The following YPEL2 variants were observed in gnomAD, a reference collection of about 807,000 sequenced individuals.
The protein encoded by YPEL2 is yippee like 2, also known as protein yippee-like 2.
YPEL2 carries 2 observed loss-of-function variants against 19.1 expected under a neutral mutation model. The ratio of observed to expected loss-of-function variants is 0.10; its 90% confidence interval spans 0.04 to 0.33. YPEL2 has a LOEUF of 0.33. YPEL2 is among the 10% of genes least tolerant of loss of function. The pLI is 1.00. For missense variants in YPEL2, 66 were observed against 140.7 expected (o/e 0.47, Z 2.68); for synonymous variants, 52 against 50.0 (o/e 1.04, Z -0.17).
intron 4 of YPEL2, among the ~76,000 whole-genome samples, chr17:59,391,081 T>C (rs886125061): frequency 3.3e-5 from 5 of 152,202 alleles, no homozygotes. Context: ...TTTCTGTTCT[T>C]GCCCTCCCTG....
rs145613624 is a variant in YPEL2, at chr17:59,338,292, T to A, written c.-196+6468T>A. ...GGGTGCCACTGAGGCTCAAACATGA[T>A]CTTCTGGGTGTGAATGGTGACCAAG... On this transcript the variant is annotated intron_variant, in intron 1 of 4. Transcript: ENST00000312655. 6.6e-5 allele frequency among the ~76,000 whole-genome samples: 10 copies of A among 152,322 alleles called. No homozygotes were observed. In the East Asian group the frequency reaches 1.9e-3, roughly 29 times the overall value.
At chr17:59,359,166 C>G (rs2047828269) in intron 2 of YPEL2, among the ~76,000 whole-genome samples, 1 of 152,152 alleles carries the variant, frequency 6.6e-6, no homozygotes, top group Non-Finnish European at 1.5e-5. Flanking sequence ...TCCAGCGATC[C>G]ACGCGCCTTA....
intron 2 of YPEL2, among the ~76,000 whole-genome samples, chr17:59,382,839 C>T (rs927877942): frequency 6.6e-6 from 1 of 152,136 alleles, no homozygotes; most frequent in Non-Finnish European, 1.5e-5. Flanking sequence ...GATGAGGTCT[C>T]ACTGTGTTGA....
At chr17:59,355,862 C>T (rs532763058) in intron 2 of YPEL2, 30 of 152,334 alleles carry the variant, frequency 2.0e-4, no homozygotes, top group Admixed American at 1.5e-3. Context: ...TTGGCTCAGG[C>T]CGGTACACAG....
chr17:59,337,227 G>T (rs1341787032), intron 1 of YPEL2, among the ~76,000 whole-genome samples: 1 of 149,164 alleles, frequency 6.7e-6, no homozygotes, highest in Non-Finnish European at 1.5e-5. Flanking sequence ...TCGCTCTGTG[G>T]CCCAGGCGGG....
At chr17:59,368,693 G>T (rs1376716063) in intron 2 of YPEL2, among the ~76,000 whole-genome samples, 1 of 152,198 alleles carries the variant, frequency 6.6e-6, no homozygotes, top group Non-Finnish European at 1.5e-5. Context: ...GGTGGATCAT[G>T]CAAGGCCTAG....
intron 2 of YPEL2, among the ~76,000 whole-genome samples, chr17:59,377,352 C>A (rs1005274086): frequency 6.6e-6 from 1 of 152,182 alleles, no homozygotes; most frequent in Non-Finnish European, 1.5e-5. Flanking sequence ...AAGGTTCTGG[C>A]TTATATTTGA....
At chr17:59,370,181 G>A (rs891395239) in intron 2 of YPEL2, among the ~76,000 whole-genome samples, 1 of 152,122 alleles carries the variant, frequency 6.6e-6, no homozygotes, top group African/African-American at 2.4e-5. Context: ...CTCAGCCTCA[G>A]CCTCCTGAAT....
intron 3 of YPEL2, 94 bp downstream of exon 3, chr17:59,388,464 C>G: frequency 7.9e-7 from 1 of 1,261,578 alleles, no homozygotes; most frequent in Non-Finnish European, 1.2e-6. Flanking sequence ...TGAACCCTGC[C>G]CTGTCTGCCA....
In YPEL2 at chr17:59,353,923, C is replaced by T. The variant is rs1213894738; in HGVS notation, c.117+397C>T. 2.7e-5 allele frequency: 8 copies of T among 294,416 alleles called. No individual in the cohort carries two copies. The allele number at this position is 294,416 out of a possible 1,614,324, so 18.2% of individuals were successfully genotyped here. ...ATGTCTTGTAAGAGGGGTTCCTTAG[C>T]AAGATGAGAGAGCCACCAGGAAGTT... On this transcript the variant is annotated intron_variant, in intron 2 of 4. Transcript: ENST00000312655. This position sits in a 1 kb window ranked among gnomAD's most constrained non-coding sequence, Gnocchi z 4.8.
chr17:59,347,845 G>C (rs1449181188), intron 1 of YPEL2, among the ~76,000 whole-genome samples: 1 of 152,158 alleles, frequency 6.6e-6, no homozygotes, highest in Non-Finnish European at 1.5e-5. Context: ...ACATAAATAG[G>C]AAAGAGGAAA....
chr17:59,344,845 T>C (rs2147936319), intron 1 of YPEL2, among the ~76,000 whole-genome samples: 1 of 152,354 alleles, frequency 6.6e-6, no homozygotes, highest in South Asian at 2.1e-4. Context: ...ATAAATGATA[T>C]TCATGAAGCA....
Position 59,353,590 on chromosome 17 carries a change from G to A in YPEL2, c.117+64G>A. ...GAGGGCGCTTAGTGCTCCTGAAGTT[G>A]CAGAGGTTTACAAGCTCTCAAGAAT... On this transcript the variant is annotated intron_variant, in intron 2 of 4. Coordinates refer to ENST00000312655, the MANE Select transcript of YPEL2 (RefSeq NM_001005404.4). The surrounding 1 kb of genome is among the most constrained non-coding windows in gnomAD (Gnocchi z 4.8). 8.1e-7 allele frequency: 1 copy of A among 1,233,906 alleles called. No homozygotes were observed. The highest frequency in any genetic ancestry group is 1.9e-4 in the Middle Eastern group (1 of 5,336). The allele number at this position is 1,233,906 out of a possible 1,614,324, so 76.4% of individuals were successfully genotyped here. A position where few individuals can be genotyped will look rare whatever the true frequency, so the allele number is the denominator to read the frequency against.
chr17:59,388,398 TGTG>T, intron 3 of YPEL2, 28 bp downstream of exon 3: 1 of 1,611,308 alleles, frequency 6.2e-7, no homozygotes, highest in Non-Finnish European at 8.5e-7. Context: ...GTACATTCCT[TGTG>T]GGGTACAGAT....
intron 2 of YPEL2, among the ~76,000 whole-genome samples, chr17:59,360,854 T>C (rs2047837254): frequency 6.6e-6 from 1 of 151,996 alleles, no homozygotes; most frequent in Non-Finnish European, 1.5e-5. Context: ...TTTTTTGATA[T>C]AAAGTCTCAC....
At chr17:59,352,786 GGT>G (rs1330178307) in intron 1 of YPEL2, among the ~76,000 whole-genome samples, 1 of 152,196 alleles carries the variant, frequency 6.6e-6, no homozygotes, top group Admixed American at 6.5e-5. Context: ...GAGAAACCCA[GGT>G]GTGACTGTTG....
chr17:59,334,335 G>A (rs1191970773), intron 1 of YPEL2, among the ~76,000 whole-genome samples: 2 of 150,630 alleles, frequency 1.3e-5, no homozygotes, highest in Non-Finnish European at 2.9e-5. Context: ...TTTAGTATCC[G>A]TGTATTCCAG....
At chr17:59,389,267 C>A in intron 3 of YPEL2, 93 bp from the exon 4 acceptor site, 1 of 1,171,148 alleles carries the variant, frequency 8.5e-7, no homozygotes, top group Non-Finnish European at 1.2e-6. Context: ...CTTGGGACAG[C>A]CTTTCCCAGT....
chr17:59,369,811 GA>G (rs1203583508), intron 2 of YPEL2, among the ~76,000 whole-genome samples: 6 of 152,160 alleles, frequency 3.9e-5, no homozygotes, highest in Non-Finnish European at 7.4e-5. Flanking sequence ...ACCTTTATTT[GA>G]AAAAGGAAAC....
Sources: allele counts gnomAD v4.1 joint callset (sites outside exome capture counted in the v4.1 genomes callset), GRCh38; gene constraint gnomAD v4.1.1; non-coding constraint Gnocchi (gnomAD v3.1); transcripts MANE v1.5; gene names NCBI Gene and HGNC (gene_info 2026-07-23, HGNC 2026-07-21).